The following CFAP54 variants were observed in gnomAD, a reference collection of about 807,000 sequenced individuals.
The protein encoded by CFAP54 is cilia and flagella associated protein 54.
A neutral mutation model predicts 370.4 loss-of-function variants in CFAP54; 290 were observed. That is an observed-to-expected ratio of 0.78 (90% CI 0.71 to 0.86). The LOEUF (loss-of-function observed/expected upper bound fraction) is 0.86, where lower values mean the gene tolerates loss of function less well. Ranked by LOEUF, CFAP54 falls within the 40% of genes least tolerant of loss-of-function variation. CFAP54 has a pLI of 0.00. For synonymous variants in CFAP54, 1,206 were observed against 1,236.5 expected, an observed-to-expected ratio of 0.98 and a Z score of 0.52; for missense variants, 3,399 against 3,528.7, an observed-to-expected ratio of 0.96 and a Z score of 0.93.
intron 63 of CFAP54, among the ~76,000 whole-genome samples, chr12:96,795,254 G>C (rs189839315): frequency 2.6e-5 from 4 of 152,310 alleles, no homozygotes; most frequent in African/African-American, 9.6e-5. Context: ...GAGAGCATCA[G>C]CTGATAGTAT....
intron 32 of CFAP54, among the ~76,000 whole-genome samples, chr12:96,636,742 T>C (rs1347596975): frequency 1.3e-5 from 2 of 152,098 alleles, no homozygotes; most frequent in African/African-American, 2.4e-5. Context: ...GATAACAAGG[T>C]CAGGAGTTTG....
chr12:96,692,288 T>G (rs1378446764), intron 44 of CFAP54, among the ~76,000 whole-genome samples: 1 of 152,222 alleles, frequency 6.6e-6, no homozygotes, highest in African/African-American at 2.4e-5. Context: ...CCCCTCTCAC[T>G]GTTAAAGGGA....
At position 96,591,341 on chromosome 12, in the gene CFAP54, G is replaced by A. The variant is rs369764491; in HGVS notation, c.3213-1149G>A. 1.5e-4 allele frequency among the ~76,000 whole-genome samples: 23 copies of A among 152,086 alleles called. No homozygotes were observed. In the South Asian group the frequency reaches 2.9e-3, roughly 19 times the overall value. ...TAGGCCGGAAATCATTTTGCAATTC[G>A]CTAAGGAAAAAAAAGAAAATGAAAA... On this transcript the variant is annotated intron_variant, in intron 23 of 67. Coordinates refer to ENST00000524981, the MANE Select transcript of CFAP54 (RefSeq NM_001306084.2).
chr12:96,621,011 T>C (rs1956481078), intron 26 of CFAP54, among the ~76,000 whole-genome samples: 1 of 152,204 alleles, frequency 6.6e-6, no homozygotes, highest in African/African-American at 2.4e-5. Flanking sequence ...GAACTGGTAT[T>C]AGGGGATGTG....
chr12:96,618,463 G>C (rs1223405123), intron 26 of CFAP54, among the ~76,000 whole-genome samples: 1 of 152,172 alleles, frequency 6.6e-6, no homozygotes, highest in Non-Finnish European at 1.5e-5. Flanking sequence ...AAGGAGGGAA[G>C]GGTGGTTGTA....
intron 8 of CFAP54, among the ~76,000 whole-genome samples, chr12:96,524,632 T>C (rs1955356631): frequency 6.6e-6 from 1 of 152,154 alleles, no homozygotes; most frequent in South Asian, 2.1e-4. Flanking sequence ...CAGAGCATGG[T>C]CATAGCTTAG....
intron 19 of CFAP54, among the ~76,000 whole-genome samples, chr12:96,567,915 T>C (rs768991078): frequency 6.6e-5 from 10 of 152,116 alleles, no homozygotes; most frequent in Non-Finnish European, 1.3e-4. Context: ...GGCTTAATGA[T>C]CAATCCCTAG....
intron 50 of CFAP54, among the ~76,000 whole-genome samples, chr12:96,726,289 A>G (rs1285447839): frequency 5.9e-5 from 9 of 152,038 alleles, no homozygotes; most frequent in East Asian, 1.9e-4. Context: ...GAATTCGGCT[A>G]TGAATCCATC....
At chr12:96,676,350 A>G (rs1179563188) in intron 39 of CFAP54, among the ~76,000 whole-genome samples, 2 of 152,170 alleles carry the variant, frequency 1.3e-5, no homozygotes, top group African/African-American at 4.8e-5. Flanking sequence ...TAACTATCTC[A>G]TATTATTATA....
At chr12:96,705,790 A>T (rs1957540603) in intron 47 of CFAP54, among the ~76,000 whole-genome samples, 1 of 152,200 alleles carries the variant, frequency 6.6e-6, no homozygotes, top group South Asian at 2.1e-4. Context: ...GGGAGTGTTA[A>T]ATAGTATTAC....
chr12:96,860,784 A>G lies in CFAP54; in HGVS notation c.9172-35A>G, dbSNP rs528588305. The G allele has an allele frequency of 6.7e-6, 10 of 1,494,798 alleles. 1 individual carries two copies. The South Asian group carries it at 1.3e-4, about 20-fold the overall frequency. 92.6% of individuals were successfully genotyped at this position (1,494,798 alleles called of 1,614,324 possible). ...AGAACTTTGTCAACAGTTTGAAACA[A>G]TGCATTTCATGAACACTTTTATGTT... On this transcript the variant is annotated intron_variant, in intron 66 of 67. Coordinates refer to ENST00000524981, the MANE Select transcript of CFAP54 (RefSeq NM_001306084.2).
chr12:96,822,316 T>C (rs2034937570), intron 65 of CFAP54, among the ~76,000 whole-genome samples: 1 of 152,146 alleles, frequency 6.6e-6, no homozygotes, highest in South Asian at 2.1e-4. Flanking sequence ...ATATGAAAAG[T>C]TTAGAATATG....
At chr12:96,868,838 T>A (rs116054876) in intron 67 of CFAP54, among the ~76,000 whole-genome samples, 2,312 of 152,270 alleles carry the variant, frequency 0.015, 75 homozygotes, top group African/African-American at 0.054. Flanking sequence ...CTGCAGCACT[T>A]GTTAACAAGT....
Position 96,648,001 on chromosome 12 carries a change from G to T in CFAP54, c.4674G>T (p.Lys1558Asn). The T allele has an allele frequency of 6.7e-7, 1 of 1,501,784 alleles. No homozygotes were observed. Among genetic ancestry groups the T allele is most frequent in the South Asian group, 1.3e-5 (1 of 77,034 alleles). 93.0% of individuals were successfully genotyped at this position (1,501,784 alleles called of 1,614,324 possible). The change falls in exon 34 of 68, where the codon AAG becomes AAT. Residue 1558 changes from lysine (K) to asparagine (N), a missense_variant. Coordinates refer to ENST00000524981, the MANE Select transcript of CFAP54 (RefSeq NM_001306084.2). The stretch of plus-strand genomic sequence containing the variant: ...TCCTTCTTACAGCCAAAAAAAGAAA[G>T]GCCAACTTACCATCAGGTAAAATAA... ...LDFLLTAKKR[K>N]ANLPSDAEEF...
chr12:96,746,660 T>C (rs936255098), intron 55 of CFAP54, among the ~76,000 whole-genome samples: 6 of 152,230 alleles, frequency 3.9e-5, no homozygotes, highest in African/African-American at 1.2e-4. Context: ...AAAAGGCTTC[T>C]TATGATGTGG....
intron 32 of CFAP54, 135 bp downstream of exon 32, chr12:96,630,786 G>A (rs1219147648): frequency 2.0e-5 from 9 of 441,590 alleles, no homozygotes; most frequent in Non-Finnish European, 3.5e-5. Context: ...ACATACTAAT[G>A]AAAAAAGCAT....
chr12:96,810,894 A>T (rs1045424070), intron 63 of CFAP54, among the ~76,000 whole-genome samples: 3 of 152,084 alleles, frequency 2.0e-5, no homozygotes, highest in African/African-American at 7.2e-5. Context: ...GAGCTTCAAG[A>T]CTATTGTACG....
intron 50 of CFAP54, among the ~76,000 whole-genome samples, chr12:96,728,854 T>C (rs944247053): frequency 7.1e-4 from 108 of 152,310 alleles, no homozygotes; most frequent in African/African-American, 2.4e-3. Context: ...GATGGGTTTT[T>C]GGTGTGGATG....
At chr12:96,736,834 A>G (rs1416142402) in intron 50 of CFAP54, among the ~76,000 whole-genome samples, 1 of 152,206 alleles carries the variant, frequency 6.6e-6, no homozygotes, top group South Asian at 2.1e-4. Context: ...CACTATATGG[A>G]TAGCAAAAAT....
Sources: gnomAD v4.1 joint callset for allele counts (sites outside exome capture counted in the v4.1 genomes callset) on GRCh38, gnomAD v4.1.1 for gene constraint, MANE v1.5 for transcripts, NCBI Gene and HGNC (gene_info 2026-07-23, HGNC 2026-07-21) for gene names.